Variants in SLC5A5 observed in about 807,000 individuals in gnomAD.
SLC5A5 encodes the protein solute carrier family 5 member 5.
A neutral mutation model predicts 68.6 loss-of-function variants in SLC5A5; 56 were observed. The observed-to-expected ratio is 0.82, with a 90% CI of 0.66 to 1.02. The LOEUF (loss-of-function observed/expected upper bound fraction) is 1.02, where lower values mean the gene tolerates loss of function less well. SLC5A5 is among the 50% of genes least tolerant of loss of function. The pLI, the probability that SLC5A5 is intolerant of heterozygous loss-of-function variation, is 0.00. For missense variants in SLC5A5, 807 were observed against 859.8 expected (o/e 0.94, Z 0.77); for synonymous variants, 398 against 373.0 (o/e 1.07, Z -0.77).
At chr19:17,887,742 C>A (rs2029977008) in intron 12 of SLC5A5, among the ~76,000 whole-genome samples, 2 of 151,642 alleles carry the variant, frequency 1.3e-5, no homozygotes, top group African/African-American at 4.8e-5. Context: ...GGACTACTGG[C>A]ACCCGCCATC....
chr19:17,893,020 TC>T (rs1428968406), intron 14 of SLC5A5, among the ~76,000 whole-genome samples: 1 of 128,690 alleles, frequency 7.8e-6, no homozygotes, highest in African/African-American at 3.0e-5. Context: ...TCTTTCTCTC[TC>T]TTTTTTTGTT....
intron 12 of SLC5A5, among the ~76,000 whole-genome samples, chr19:17,884,581 G>A (rs2094329113): frequency 6.6e-6 from 1 of 151,650 alleles, no homozygotes. Context: ...AGACCAGCTT[G>A]ATCAACATGG....
chr19:17,876,292 G>A (rs895420151), intron 5 of SLC5A5, among the ~76,000 whole-genome samples, 186 bp downstream of exon 5: 1 of 152,058 alleles, frequency 6.6e-6, no homozygotes, highest in African/African-American at 2.4e-5. Flanking sequence ...AGCTGGGCGT[G>A]GTGGTGCACC....
intron 6 of SLC5A5, 46 bp downstream of exon 6, chr19:17,877,909 C>A: frequency 6.2e-7 from 1 of 1,606,950 alleles, no homozygotes. Context: ...GACATGCTGC[C>A]CCCCTCCACC....
rs528009112 is a variant in SLC5A5, at chr19:17,892,695, A to AGAGAGC, written c.1768-1015_1768-1014insAGCGAG. Among the ~76,000 whole-genome samples the AGAGAGC allele has an allele frequency of 4.4e-3, 648 of 148,630 alleles. 5 individuals carry two copies. The highest frequency in any genetic ancestry group is 0.03 in the East Asian group (137 of 4,510). On this transcript the variant is annotated intron_variant, in intron 14 of 14. Transcript: ENST00000222248. ...GAGAGAGAGAGAGAGAGAGAGAGAG[A>AGAGAGC]GAGCAAGCTAAAAAGAAAAACGTGT...
intron 13 of SLC5A5, among the ~76,000 whole-genome samples, chr19:17,889,860 A>G (rs1464494014): frequency 6.6e-6 from 1 of 152,198 alleles, no homozygotes; most frequent in Non-Finnish European, 1.5e-5. Flanking sequence ...AGGGAATTCT[A>G]AATTCCACGG....
intron 13 of SLC5A5, 138 bp downstream of exon 13, chr19:17,888,593 T>C (rs2030021472): frequency 8.0e-6 from 3 of 374,476 alleles, no homozygotes; most frequent in Admixed American, 4.3e-5. Flanking sequence ...TGTACCTTAT[T>C]ATTATTATTA....
chr19:17,888,761 T>C (rs773823552), intron 13 of SLC5A5, among the ~76,000 whole-genome samples: 1 of 151,470 alleles, frequency 6.6e-6, no homozygotes, highest in African/African-American at 2.4e-5. Context: ...GCCTCCCGAG[T>C]AGCTGGGATT....
intron 13 of SLC5A5, among the ~76,000 whole-genome samples, chr19:17,889,168 G>A (rs560829328): frequency 2.0e-5 from 3 of 152,004 alleles, no homozygotes; most frequent in South Asian, 2.1e-4. Context: ...AGGCCGAGGC[G>A]GGTGGATCAC....
chr19:17,877,847 G>A lies in SLC5A5; in HGVS notation c.823G>A (p.Glu275Lys). ...QVQRYVACRT[E>K]KQAKLALLIN... is the part of the protein sequence containing the mutation. Reference sequence around the variant, plus strand: ...GCAGCGCTACGTGGCTTGCCGCACAGAGAAGCAGGCCAAGCTGTGAGTGTT... The same window carrying A: ...GCAGCGCTACGTGGCTTGCCGCACAAAGAAGCAGGCCAAGCTGTGAGTGTT... Residue 275 changes from glutamate (E) to lysine (K), a missense_variant, in exon 6 of 15, where the codon GAG (glutamate) becomes AAG (lysine). Glu to Lys is a moderately conservative substitution (Grantham distance 56, BLOSUM62 1). Coordinates refer to ENST00000222248, the MANE Select transcript of SLC5A5 (RefSeq NM_000453.3). 2 of 1,614,260 alleles carry A rather than the reference G, an allele frequency of 1.2e-6. No individual in the cohort carries two copies. The highest frequency in any genetic ancestry group is 1.7e-6 in the Non-Finnish European group (2 of 1,180,048).
chr19:17,889,421 G>A (rs887576888), intron 13 of SLC5A5, among the ~76,000 whole-genome samples: 1 of 140,090 alleles, frequency 7.1e-6, no homozygotes, highest in Admixed American at 7.2e-5. Context: ...AAAGAAGGAA[G>A]GAAGGAAGGA....
chr19:17,874,352 G>T, intron 2 of SLC5A5, 142 bp from the exon 3 acceptor site: 1 of 666,500 alleles, frequency 1.5e-6, no homozygotes, highest in Non-Finnish European at 2.4e-6. Flanking sequence ...CCACACCACA[G>T]CCGGCCTGAC....
chr19:17,877,109 C>T (rs1372312490), intron 5 of SLC5A5, among the ~76,000 whole-genome samples: 1 of 151,806 alleles, frequency 6.6e-6, no homozygotes, highest in Admixed American at 6.6e-5. Context: ...CCTCCTGCTC[C>T]AGGAGGCCCT....
chr19:17,890,109 C>A (rs767188786), intron 13 of SLC5A5, among the ~76,000 whole-genome samples: 4 of 151,940 alleles, frequency 2.6e-5, no homozygotes, highest in Non-Finnish European at 5.9e-5. Flanking sequence ...TCACTCTGGT[C>A]GCCCAGGCTG....
intron 12 of SLC5A5, among the ~76,000 whole-genome samples, chr19:17,886,907 A>C (rs933525516): frequency 2.6e-5 from 4 of 152,098 alleles, no homozygotes; most frequent in African/African-American, 9.7e-5. Context: ...CTATCTCTAT[A>C]AAAATAAAAA....
chr19:17,884,094 A>G lies in SLC5A5; in HGVS notation c.1526+48A>G, dbSNP rs764157095. ...GGGTACCCGAGCCCTGGATGGTGTG[A>G]TCTTGAAGGGAAACTTACTTGCCCT... On this transcript the variant is annotated intron_variant, in intron 12 of 14. Transcript: ENST00000222248. 4 of 1,453,758 alleles carry G rather than the reference A, an allele frequency of 2.8e-6. No individual in the cohort carries two copies. In the East Asian group the frequency reaches 9.8e-5, roughly 36 times the overall value. 90.1% of individuals were successfully genotyped at this position (1,453,758 alleles called of 1,614,324 possible).
Position 17,878,035 on chromosome 19 carries a change from T to G in SLC5A5, c.911T>G (p.Phe304Cys). 6.2e-7 allele frequency: 1 copy of G among 1,613,258 alleles called. No individual in the cohort carries two copies. Among genetic ancestry groups the G allele is most frequent in the Non-Finnish European group, 8.5e-7 (1 of 1,180,010 alleles). ...SSAACCGIVMFVFYTDCDPLL... is the reference protein window; with the variant it reads ...SSAACCGIVMCVFYTDCDPLL... ...GCTGCCTGCTGTGGCATCGTCATGTTTGTGTTCTACACTGACTGCGACCCT... is the reference window on the plus strand; with the variant it reads ...GCTGCCTGCTGTGGCATCGTCATGTGTGTGTTCTACACTGACTGCGACCCT... The change falls in exon 7 of 15, where the codon TTT becomes TGT. Residue 304 changes from phenylalanine (F) to cysteine (C), a missense_variant. Transcript: ENST00000222248.
At chr19:17,874,607 C>G (rs371896671) in intron 3 of SLC5A5, 57 bp from the exon 4 acceptor site, 82 of 1,612,746 alleles carry the variant, frequency 5.1e-5, no homozygotes, top group Admixed American at 2.0e-4. Context: ...GAGGAGAACC[C>G]AAGACTAAGT....
At chr19:17,893,351 C>T (rs994085289) in intron 14 of SLC5A5, among the ~76,000 whole-genome samples, 1 of 152,066 alleles carries the variant, frequency 6.6e-6, no homozygotes, top group African/African-American at 2.4e-5. Flanking sequence ...GATCTGCCCA[C>T]CTTGGCCTCC....
Sources: allele counts gnomAD v4.1 joint callset (sites outside exome capture counted in the v4.1 genomes callset), GRCh38; gene constraint gnomAD v4.1.1; transcripts MANE v1.5; gene names NCBI Gene and HGNC (gene_info 2026-07-23, HGNC 2026-07-21).